The following CNNM3 variants were observed in gnomAD, a reference collection of about 807,000 sequenced individuals.
CNNM3 encodes the protein metal transporter CNNM3.
In CNNM3, 47 loss-of-function variants were observed where a neutral mutation model predicts 57.1. The ratio of observed to expected loss-of-function variants is 0.82; its 90% CI spans 0.65 to 1.05. The LOEUF is 1.05. Among genes scored for constraint, CNNM3 ranks in the 50% least tolerant of loss-of-function variants. The pLI, the probability that CNNM3 is intolerant of heterozygous loss-of-function variation, is 0.00. For synonymous variants in CNNM3, 507 were observed against 478.2 expected (o/e 1.06, Z -0.79); for missense variants, 957 against 973.7 (o/e 0.98, Z 0.23).
intron 1 of CNNM3, among the ~76,000 whole-genome samples, chr2:96,822,528 T>C (rs925173048): frequency 6.6e-6 from 1 of 152,148 alleles, no homozygotes; most frequent in South Asian, 2.1e-4. Context: ...CAGGCTGGTC[T>C]CAAACTCCTG....
At chr2:96,824,752 G>A in intron 1 of CNNM3, 1 of 372,628 alleles carries the variant, frequency 2.7e-6, no homozygotes, top group Non-Finnish European at 5.0e-6. Flanking sequence ...TGTCTAAACT[G>A]CATCCATGTC....
At chr2:96,817,884 A>G (rs1316401163) in intron 1 of CNNM3, among the ~76,000 whole-genome samples, 5 of 152,156 alleles carry the variant, frequency 3.3e-5, no homozygotes, top group Non-Finnish European at 5.9e-5. Flanking sequence ...CTAGAAGAAC[A>G]TAGAAAAGAT....
intron 1 of CNNM3, among the ~76,000 whole-genome samples, chr2:96,819,445 G>T (rs2079374442): frequency 1.3e-5 from 2 of 152,202 alleles, no homozygotes; most frequent in Non-Finnish European, 2.9e-5. Flanking sequence ...AAGCACTTTG[G>T]CCAGTGCCTG....
chr2:96,836,293 A>T (rs1574123887), downstream of CNNM3, among the ~76,000 whole-genome samples: 1 of 130,876 alleles, frequency 7.6e-6, no homozygotes, highest in South Asian at 2.4e-4. Context: ...CCCAGGCTGG[A>T]GTTCAATGGC....
At chr2:96,829,579 G>A (rs2079567384) in intron 7 of CNNM3, among the ~76,000 whole-genome samples, 1 of 150,292 alleles carries the variant, frequency 6.7e-6, no homozygotes, top group Non-Finnish European at 1.5e-5. Context: ...GGGATTACAG[G>A]CATGAACCAC....
rs1574116689 is a variant in CNNM3, at chr2:96,830,860, G to C, written c.2060-1692G>C. Among the ~76,000 whole-genome samples, 8 of 150,518 alleles carry C rather than the reference G, an allele frequency of 5.3e-5. 1 individual carries two copies. Among genetic ancestry groups the C allele is most frequent in the Admixed American group, 4.6e-4 (7 of 15,136 alleles). ...GCTTCTGTGCTTACCCACTGTGATG[G>C]TTTCTTATTGTATGGGGTGCCCCTT... On this transcript the variant is annotated intron_variant, in intron 7 of 7. Transcript: ENST00000305510.
At chr2:96,817,940 T>C (rs1471489127) in intron 1 of CNNM3, among the ~76,000 whole-genome samples, 1 of 152,232 alleles carries the variant, frequency 6.6e-6, no homozygotes, top group Non-Finnish European at 1.5e-5. Flanking sequence ...ACACATGTAA[T>C]ATCAAATTGA....
chr2:96,817,286 G>C lies in CNNM3; in HGVS notation c.1009G>C (p.Val337Leu). The C allele has an allele frequency of 6.2e-7, 1 of 1,613,396 alleles. No individual in the cohort carries two copies. The highest frequency in any genetic ancestry group is 8.5e-7 in the Non-Finnish European group (1 of 1,180,018). ...LDASTVLDFG[V>L]LASIMQSGHT... is the part of the protein sequence containing the mutation. ...CGCCAGCACCGTGCTGGACTTCGGCGTCCTGGCCAGCATCATGCAGAGCGG... is the reference window on the plus strand; with the variant it reads ...CGCCAGCACCGTGCTGGACTTCGGCCTCCTGGCCAGCATCATGCAGAGCGG... The change falls in exon 1 of 8, where the codon GTC becomes CTC. Residue 337 changes from valine to leucine, a missense_variant. This residue lies in a region of CNNM3 where 491 missense variants were observed against 570.6 expected (regional missense o/e 0.86). Transcript: ENST00000305510.
chr2:96,825,487 G>A (rs915300104), intron 2 of CNNM3, among the ~76,000 whole-genome samples: 13 of 152,228 alleles, frequency 8.5e-5, no homozygotes, highest in African/African-American at 3.1e-4. Flanking sequence ...CTCCATTACT[G>A]AGAGAGCTCT....
intron 7 of CNNM3, chr2:96,832,252 T>C: frequency 2.0e-6 from 2 of 985,352 alleles, no homozygotes; most frequent in Non-Finnish European, 2.4e-6. Context: ...TGGAAAATGG[T>C]GCTTCCTTCC....
rs542051876 is a variant in CNNM3, at chr2:96,833,734, G to A, written c.*1118G>A. ...GGCATCACAAGGACATAGGATCATA[G>A]ATTGGGTAGGGAGGGAGGAGGATTT... is the stretch of plus-strand genomic sequence containing the variant. On this transcript the variant is annotated 3_prime_UTR_variant, in exon 8 of 8. Transcript: ENST00000305510. The A allele has an allele frequency of 6.6e-6, 1 of 152,356 alleles. No homozygotes were observed. Among genetic ancestry groups the A allele is most frequent in the South Asian group, 2.1e-4 (1 of 4,826 alleles). 9.4% of individuals were successfully genotyped at this position (152,356 alleles called of 1,614,324 possible).
chr2:96,837,083 T>C (rs1443217336), downstream of CNNM3: 1 of 151,276 alleles, frequency 6.6e-6, no homozygotes, highest in Non-Finnish European at 1.5e-5. Flanking sequence ...TGTGTGTCTG[T>C]GCCTCTGCCA....
At chr2:96,823,821 C>A (rs1441021553) in intron 1 of CNNM3, among the ~76,000 whole-genome samples, 2 of 152,220 alleles carry the variant, frequency 1.3e-5, no homozygotes, top group Non-Finnish European at 2.9e-5. Context: ...CTCCCATCCC[C>A]CTGTCCTGGA....
At chr2:96,824,133 C>T (rs7594727) in intron 1 of CNNM3, among the ~76,000 whole-genome samples, 1 of 152,014 alleles carries the variant, frequency 6.6e-6, no homozygotes, top group Non-Finnish European at 1.5e-5. Context: ...ACGGGTCTAA[C>T]GTAGTGTGGA....
Position 96,816,675 on chromosome 2 carries a change from C to T in CNNM3, c.398C>T (p.Pro133Leu), listed in dbSNP as rs1402166766. ...GGCGGGGCGGCTGAGGAGGCGGCGC[C>T]GCCCTGGGCTCTGGGCCTGGGGGCG... is the stretch of plus-strand genomic sequence containing the variant. ...PGGGAAEEAA[P>L]PWALGLGAAG... Residue 133 changes from proline to leucine, a missense_variant, in exon 1 of 8, where the codon CCG becomes CTG. Physicochemically the swap from Pro to Leu is moderately conservative, Grantham distance 98. Around this residue, in one of 2 missense-constraint regions of CNNM3, gnomAD observed 466 missense variants for 403.1 expected, o/e 1.16. Coordinates refer to ENST00000305510, the MANE Select transcript of CNNM3 (RefSeq NM_017623.5). 7 of 1,027,462 alleles carry T rather than the reference C, an allele frequency of 6.8e-6. No homozygotes were observed. In the Admixed American group the frequency reaches 1.7e-4, roughly 25 times the overall value. 63.6% of individuals were successfully genotyped at this position (1,027,462 alleles called of 1,614,324 possible). A position where few individuals can be genotyped will look rare whatever the true frequency, so the allele number is the denominator to read the frequency against.
At position 96,827,768 on chromosome 2, in the gene CNNM3, G is replaced by T. The variant is rs147683550; in HGVS notation, c.1557G>T (p.Lys519Asn). The T allele has an allele frequency of 1.1e-4, 183 of 1,614,204 alleles. No individual in the cohort carries two copies. The African/African-American group carries it at 2.2e-3, about 20-fold the overall frequency. The change falls in exon 4 of 8, where the codon AAG becomes AAT. Residue 519 changes from lysine to asparagine, a missense_variant. Transcript: ENST00000305510. ...DVFSPLRISE[K>N]VLLHLLKHPS... ...TCAGCCCGCTGCGCATCTCTGAGAA[G>T]GTCCTGCTGCACCTGTTGAAGCATC...
Position 96,816,611 on chromosome 2 carries a change from C to T in CNNM3, c.334C>T (p.Pro112Ser), listed in dbSNP as rs1279676313. 5.1e-6 allele frequency: 6 copies of T among 1,183,628 alleles called. No individual in the cohort carries two copies. In the African/African-American group the frequency reaches 9.7e-5, roughly 19 times the overall value. The allele number at this position is 1,183,628 out of a possible 1,614,324, so 73.3% of individuals were successfully genotyped here. ...GCGCCTGCGGGCCGAGGCCGTGCGC[C>T]CGCACTCGGCGCTGCTGGCGGTGCG... ...RLRLRAEAVR[P>S]HSALLAVRVE... The change falls in exon 1 of 8, where the codon CCG becomes TCG. Residue 112 changes from proline to serine, a missense_variant. By Grantham distance (74) the Pro-to-Ser change is moderately conservative. Transcript: ENST00000305510.
intron 6 of CNNM3, 100 bp downstream of exon 6, chr2:96,828,800 C>T (rs1041794599): frequency 6.5e-7 from 1 of 1,534,380 alleles, no homozygotes. Context: ...AGGCCTTCCA[C>T]TCATCCTGAG....
intron 2 of CNNM3, among the ~76,000 whole-genome samples, chr2:96,825,434 A>G (rs1458103463): frequency 6.6e-6 from 1 of 152,150 alleles, no homozygotes; most frequent in Non-Finnish European, 1.5e-5. Flanking sequence ...TTGCAATCCC[A>G]GGGCTCACCT....
Sources: allele counts gnomAD v4.1 joint callset (sites outside exome capture counted in the v4.1 genomes callset), GRCh38; gene constraint gnomAD v4.1.1; regional missense constraint gnomAD v4.1.1; transcripts MANE v1.5; gene names NCBI Gene and HGNC (gene_info 2026-07-23, HGNC 2026-07-21).